The following CSMD1 variants were observed in gnomAD, a reference collection of about 807,000 sequenced individuals.
CSMD1 encodes the protein CUB and Sushi multiple domains 1.
Under a neutral mutation model 417.5 loss-of-function variants are expected in CSMD1, and 213 were observed. The observed-to-expected ratio is 0.51, with a 90% confidence interval of 0.46 to 0.57. The LOEUF (loss-of-function observed/expected upper bound fraction) is 0.57. CSMD1 is among the 20% of genes least tolerant of loss of function. CSMD1 has a pLI of 0.00. For missense variants in CSMD1, 6,923 were observed against 4,529.7 expected (o/e 1.53, Z -15.17); for synonymous variants, 2,862 against 1,736.8 (o/e 1.65, Z -16.11).
chr8:3,638,426 C>A (rs534501563), intron 7 of CSMD1, among the ~76,000 whole-genome samples: 1 of 151,414 alleles, frequency 6.6e-6, no homozygotes, highest in South Asian at 2.1e-4. Flanking sequence ...TTTTGCCCAC[C>A]GCAACTGCAC....
chr8:4,363,285 G>A (rs1216156455), intron 3 of CSMD1, among the ~76,000 whole-genome samples: 1 of 152,090 alleles, frequency 6.6e-6, no homozygotes, highest in Non-Finnish European at 1.5e-5. Flanking sequence ...CCTTTTCAAA[G>A]TTTTTCCCTC....
intron 3 of CSMD1, among the ~76,000 whole-genome samples, chr8:4,249,403 A>C (rs146074714): frequency 1.1e-4 from 17 of 152,330 alleles, no homozygotes; most frequent in African/African-American, 3.8e-4. Context: ...AACTTTTGCA[A>C]AGTAAACTAA....
intron 26 of CSMD1, among the ~76,000 whole-genome samples, chr8:3,266,398 G>T (rs1801434976): frequency 6.6e-6 from 1 of 151,696 alleles, no homozygotes; most frequent in Admixed American, 6.6e-5. Flanking sequence ...CTGAGACTAG[G>T]AGATTGAGAC....
intron 1 of CSMD1, among the ~76,000 whole-genome samples, chr8:4,879,257 G>T (rs908469423): frequency 6.6e-6 from 1 of 151,652 alleles, no homozygotes; most frequent in African/African-American, 2.4e-5. Context: ...GAAAGGTTGC[G>T]GAAATGGAAT....
At chr8:3,778,516 C>G (rs560777238) in intron 5 of CSMD1, among the ~76,000 whole-genome samples, 9 of 152,350 alleles carry the variant, frequency 5.9e-5, no homozygotes, top group Middle Eastern at 3.4e-3. Flanking sequence ...CTACCTTCTA[C>G]AAGAACGCTG....
intron 10 of CSMD1, among the ~76,000 whole-genome samples, chr8:3,497,563 C>A (rs897487383): frequency 6.6e-6 from 1 of 152,094 alleles, no homozygotes; most frequent in Admixed American, 6.6e-5. Context: ...ATATACCCAG[C>A]CATTTCACAT....
chr8:3,784,664 G>T (rs1799352568), intron 5 of CSMD1, among the ~76,000 whole-genome samples: 1 of 152,178 alleles, frequency 6.6e-6, no homozygotes, highest in African/African-American at 2.4e-5. Flanking sequence ...TTGGAAATAA[G>T]GGATATTGTC....
intron 2 of CSMD1, among the ~76,000 whole-genome samples, chr8:4,570,185 A>G (rs1241834824): frequency 6.6e-6 from 1 of 152,154 alleles, no homozygotes; most frequent in Non-Finnish European, 1.5e-5. Flanking sequence ...GTTGAATAGC[A>G]GTGGTGAGAG....
At chr8:4,404,543 TAATATTA>T (rs1804878449) in intron 3 of CSMD1, among the ~76,000 whole-genome samples, 1 of 152,296 alleles carries the variant, frequency 6.6e-6, no homozygotes, top group East Asian at 1.9e-4. Context: ...AGGTGATGTT[TAATATTA>T]AATATGAACA....
At chr8:3,066,767 C>G (rs1812962659) in intron 49 of CSMD1, among the ~76,000 whole-genome samples, 1 of 152,250 alleles carries the variant, frequency 6.6e-6, no homozygotes, top group East Asian at 1.9e-4. Flanking sequence ...CCACGGAGAA[C>G]AGAAAACTGA....
intron 3 of CSMD1, among the ~76,000 whole-genome samples, chr8:4,043,957 T>G (rs545807224): frequency 6.6e-6 from 1 of 152,182 alleles, no homozygotes; most frequent in Non-Finnish European, 1.5e-5. Flanking sequence ...CCCAATTGTG[T>G]TGATATAATT....
chr8:4,528,960 T>C (rs1274150074), intron 2 of CSMD1, among the ~76,000 whole-genome samples: 1 of 152,202 alleles, frequency 6.6e-6, no homozygotes, highest in Non-Finnish European at 1.5e-5. Context: ...TACTGTATTT[T>C]TGTTAGGTCT....
chr8:3,847,185 G>A (rs991776038), intron 5 of CSMD1, among the ~76,000 whole-genome samples: 4 of 152,110 alleles, frequency 2.6e-5, no homozygotes, highest in African/African-American at 9.7e-5. Flanking sequence ...CTTACAGGTG[G>A]CGCGGTGTCA....
intron 1 of CSMD1, among the ~76,000 whole-genome samples, chr8:4,925,437 C>A (rs193159540): frequency 6.6e-6 from 1 of 151,802 alleles, no homozygotes; most frequent in African/African-American, 2.4e-5. Context: ...ACAGAACTTA[C>A]TGTTAATCAT....
chr8:3,214,691 T>C lies in CSMD1; in HGVS notation c.4673A>G (p.Glu1558Gly), dbSNP rs1168500544. 1.3e-6 allele frequency: 2 copies of C among 1,549,086 alleles called. No individual in the cohort carries two copies. Among genetic ancestry groups the C allele is most frequent in the Non-Finnish European group, 1.7e-6 (2 of 1,145,776 alleles). The change falls in exon 30 of 70, where the codon GAG becomes GGG. Residue 1558 changes from glutamate (E) to glycine (G), a missense_variant and splice_region_variant. Coordinates refer to ENST00000635120, the MANE Select transcript of CSMD1 (RefSeq NM_033225.6). ...GLSGFAIEFK[E>G]KPREACFDPG... Reference sequence around the variant, plus strand: ...GTCAAAACAAGCTTCCCGTGGTTTCTCTGTGGAAGAAATGAATGTAAACTG... The same window carrying C: ...GTCAAAACAAGCTTCCCGTGGTTTCCCTGTGGAAGAAATGAATGTAAACTG...
chr8:3,244,859 G>T (rs1363317357), intron 26 of CSMD1, among the ~76,000 whole-genome samples: 1 of 152,198 alleles, frequency 6.6e-6, no homozygotes, highest in African/African-American at 2.4e-5. Context: ...GCAGCAAGCA[G>T]CCTCAGATTT....
rs114904627 is a variant in CSMD1 at position 4,869,390 on chromosome 8, A to G, written c.85+124942T>C. Among the ~76,000 whole-genome samples, 521 of 152,172 alleles carry G rather than the reference A, an allele frequency of 3.4e-3. 5 individuals carry two copies. The highest frequency in any genetic ancestry group is 0.012 in the African/African-American group (495 of 41,482). On this transcript the variant is annotated intron_variant, in intron 1 of 69. Transcript: ENST00000635120. ...TCTGTATTTTAATCACTCGAATTTC[A>G]TAACTTTGAGTTACTTGACTTTCAC...
At chr8:4,537,429 T>C (rs1464527012) in intron 2 of CSMD1, among the ~76,000 whole-genome samples, 5 of 152,152 alleles carry the variant, frequency 3.3e-5, no homozygotes, top group Admixed American at 3.3e-4. Flanking sequence ...TTATTCCTAT[T>C]ATTGTTATTG....
chr8:3,321,643 G>C (rs912957166), intron 23 of CSMD1, among the ~76,000 whole-genome samples: 3 of 152,166 alleles, frequency 2.0e-5, no homozygotes, highest in African/African-American at 7.2e-5. Flanking sequence ...ACAGTGAAAT[G>C]TATGCATATT....
Sources: gnomAD v4.1 joint callset for allele counts (sites outside exome capture counted in the v4.1 genomes callset) on GRCh38, gnomAD v4.1.1 for gene constraint, MANE v1.5 for transcripts, NCBI Gene and HGNC (gene_info 2026-07-23, HGNC 2026-07-21) for gene names.